SIK2: variants seen among roughly 807,000 people sequenced by gnomAD.
The protein encoded by SIK2 is salt inducible kinase 2, also known as serine/threonine-protein kinase SIK2.
A neutral mutation model predicts 103.2 loss-of-function variants in SIK2; 29 were observed. The observed-to-expected ratio is 0.28, with a 90% CI of 0.21 to 0.38. The LOEUF is 0.38. Ranked by LOEUF, SIK2 falls within the 10% of genes least tolerant of loss-of-function variation. SIK2 has a pLI of 1.00. For missense variants in SIK2, 879 were observed against 1,171.0 expected, an observed-to-expected ratio of 0.75 and a Z score of 3.64; for synonymous variants, 412 against 446.1, an observed-to-expected ratio of 0.92 and a Z score of 0.96.
chr11:111,688,082 G>T lies in SIK2; in HGVS notation c.398G>T (p.Cys133Phe), dbSNP rs747804441. Residue 133 changes from cysteine to phenylalanine, a missense_variant, in exon 4 of 15, where the codon TGT (cysteine) becomes TTT (phenylalanine). Physicochemically the swap from Cys to Phe is radical, Grantham distance 205. Around this residue, in one of 7 missense-constraint regions of SIK2, gnomAD observed 126 missense variants for 245.5 expected, o/e 0.51. Transcript: ENST00000304987. This position sits in a 1 kb window ranked among gnomAD's most constrained non-coding sequence, Gnocchi z 4.2. Reference sequence around the variant, plus strand: ...CAAATCCTGTCTGCTGTTGATTATTGTCATGGTCGGAAGATTGTGCACCGT... The same window carrying T: ...CAAATCCTGTCTGCTGTTGATTATTTTCATGGTCGGAAGATTGTGCACCGT... ...FWQILSAVDY[C>F]HGRKIVHRDL... 5 of 1,614,018 alleles carry T rather than the reference G, an allele frequency of 3.1e-6. No individual in the cohort carries two copies. The highest frequency in any genetic ancestry group is 4.2e-6 in the Non-Finnish European group (5 of 1,180,026).
chr11:111,630,088 A>G (rs1322619593), intron 3 of SIK2, among the ~76,000 whole-genome samples: 1 of 152,200 alleles, frequency 6.6e-6, no homozygotes, highest in Non-Finnish European at 1.5e-5. Flanking sequence ...CATCAGTGGG[A>G]AAATGTATCC....
chr11:111,666,254 G>C (rs1270593268), intron 3 of SIK2, among the ~76,000 whole-genome samples: 1 of 152,142 alleles, frequency 6.6e-6, no homozygotes, highest in Non-Finnish European at 1.5e-5. Flanking sequence ...AGGGGTGTTG[G>C]AGTTCCTTTC....
chr11:111,635,099 A>G (rs965907479), intron 3 of SIK2, among the ~76,000 whole-genome samples: 1 of 152,178 alleles, frequency 6.6e-6, no homozygotes, highest in Admixed American at 6.5e-5. Flanking sequence ...ACTAGTAACC[A>G]CATGAAAGAG....
In SIK2 at chr11:111,724,256, A is replaced by G. The variant is rs1028303418; in HGVS notation, c.*127A>G. On this transcript the variant is annotated 3_prime_UTR_variant, in exon 15 of 15. Coordinates refer to ENST00000304987, the MANE Select transcript of SIK2 (RefSeq NM_015191.3). ...TAACGGGGAGAAATCGAGCCACCCAACTGGAATCAGAGGGTCTGGCTGGGG... is the reference window on the plus strand; with the variant it reads ...TAACGGGGAGAAATCGAGCCACCCAGCTGGAATCAGAGGGTCTGGCTGGGG... The G allele has an allele frequency of 7.5e-6, 10 of 1,328,752 alleles. No homozygotes were observed. The Admixed American group carries it at 1.4e-4, about 18-fold the overall frequency. The allele number at this position is 1,328,752 out of a possible 1,614,324, so 82.3% of individuals were successfully genotyped here. A position where few individuals can be genotyped will look rare whatever the true frequency, so the allele number is the denominator to read the frequency against.
intron 3 of SIK2, among the ~76,000 whole-genome samples, chr11:111,628,185 CA>C (rs1941986145): frequency 6.6e-6 from 1 of 152,164 alleles, no homozygotes; most frequent in African/African-American, 2.4e-5. Context: ...TATGGACAAC[CA>C]AATTGCCGAG....
intron 3 of SIK2, among the ~76,000 whole-genome samples, chr11:111,685,330 T>A (rs1311369791): frequency 6.6e-6 from 1 of 152,236 alleles, no homozygotes; most frequent in Non-Finnish European, 1.5e-5. Flanking sequence ...CATGGACCAG[T>A]GCTGGTCCGT....
intron 3 of SIK2, among the ~76,000 whole-genome samples, chr11:111,656,849 T>C (rs989738281): frequency 1.3e-5 from 2 of 152,232 alleles, no homozygotes; most frequent in Admixed American, 1.3e-4. Context: ...CTCTAGATGT[T>C]TAGCTAACTT....
At chr11:111,703,514 A>T in intron 7 of SIK2, 91 bp downstream of exon 7, 1 of 1,121,520 alleles carries the variant, frequency 8.9e-7, no homozygotes, top group Non-Finnish European at 1.3e-6. Flanking sequence ...TAGCACATGT[A>T]TCTCCAGCGC....
At chr11:111,638,960 G>A (rs1942146254) in intron 3 of SIK2, among the ~76,000 whole-genome samples, 1 of 152,182 alleles carries the variant, frequency 6.6e-6, no homozygotes, top group Non-Finnish European at 1.5e-5. Flanking sequence ...TCCTGAAACA[G>A]TGTTGAGCTT....
At chr11:111,670,531 C>T (rs1407190734) in intron 3 of SIK2, among the ~76,000 whole-genome samples, 4 of 152,014 alleles carry the variant, frequency 2.6e-5, no homozygotes, top group Admixed American at 6.5e-5. Flanking sequence ...TTTAATGGTC[C>T]GCAAAATATT....
At chr11:111,653,122 C>T in intron 3 of SIK2, among the ~76,000 whole-genome samples, 1 of 152,110 alleles carries the variant, frequency 6.6e-6, no homozygotes, top group Non-Finnish European at 1.5e-5. Context: ...ACTACCAGGG[C>T]TGAGGGTCAA....
Position 111,719,988 on chromosome 11 carries a change from G to T in SIK2, c.1480G>T (p.Val494Leu). The T allele has an allele frequency of 2.5e-6, 4 of 1,613,758 alleles. No homozygotes were observed. Among genetic ancestry groups the T allele is most frequent in the Non-Finnish European group, 3.4e-6 (4 of 1,179,776 alleles). The change falls in exon 10 of 15, where the codon GTG becomes TTG. Residue 494 changes from valine (V) to leucine (L), a missense_variant. This residue lies in a region of SIK2 where 222 missense variants were observed against 258.0 expected (regional missense o/e 0.86). Transcript: ENST00000304987. ...GTCAGAAGTGACCAATCAACTGGTC[G>T]TGATGCCTGGGGCAGGTACGGTAGA... ...TLSEVTNQLV[V>L]MPGAGKIFSM...
intron 7 of SIK2, among the ~76,000 whole-genome samples, chr11:111,704,638 T>A (rs1943297950): frequency 6.6e-6 from 1 of 152,186 alleles, no homozygotes; most frequent in African/African-American, 2.4e-5. Flanking sequence ...CTAACTGACC[T>A]TACACCACCG....
In SIK2 at chr11:111,724,613, G is replaced by A. The variant is rs1943912463; in HGVS notation, c.*484G>A. ...AGACATCAGGAAATCAGATGCACAG[G>A]AAATAAAGGAAAGCTGTGCTTTGTC... On this transcript the variant is annotated 3_prime_UTR_variant, in exon 15 of 15. Transcript: ENST00000304987. 1 of 160,108 alleles carries A rather than the reference G, an allele frequency of 6.2e-6. No homozygotes were observed. Among genetic ancestry groups the A allele is most frequent in the Non-Finnish European group, 1.4e-5 (1 of 72,622 alleles). 9.9% of individuals were successfully genotyped at this position (160,108 alleles called of 1,614,324 possible). A position where few individuals can be genotyped will look rare whatever the true frequency, so the allele number is the denominator to read the frequency against.
intron 3 of SIK2, among the ~76,000 whole-genome samples, chr11:111,658,459 A>C (rs1031172751): frequency 3.9e-5 from 6 of 152,036 alleles, no homozygotes; most frequent in African/African-American, 1.4e-4. Context: ...ATCGAGAGAT[A>C]CGGCCGAGTG....
chr11:111,725,366 A>G lies in SIK2; in HGVS notation c.*1237A>G, dbSNP rs1331377753. 1 of 152,678 alleles carries G rather than the reference A, an allele frequency of 6.5e-6. No individual in the cohort carries two copies. The highest frequency in any genetic ancestry group is 2.4e-5 in the African/African-American group (1 of 41,474). 9.5% of individuals were successfully genotyped at this position (152,678 alleles called of 1,614,324 possible). ...GCAATATTCAAAGAAAGAACCACAG[A>G]TGTGTTAACCATTTAAGCAGATCAT... On this transcript the variant is annotated 3_prime_UTR_variant, in exon 15 of 15. Coordinates refer to ENST00000304987, the MANE Select transcript of SIK2 (RefSeq NM_015191.3).
At chr11:111,715,874 TC>T (rs1191946714) in intron 9 of SIK2, among the ~76,000 whole-genome samples, 4 of 134,792 alleles carry the variant, frequency 3.0e-5, no homozygotes, top group African/African-American at 8.3e-5. Flanking sequence ...CGATCTCAGC[TC>T]ATTGCAACCT....
intron 3 of SIK2, among the ~76,000 whole-genome samples, chr11:111,629,782 C>T (rs147451742): frequency 6.6e-6 from 1 of 152,242 alleles, no homozygotes; most frequent in African/African-American, 2.4e-5. Flanking sequence ...CATTTCACAT[C>T]AGTTAGACTG....
intron 3 of SIK2, among the ~76,000 whole-genome samples, chr11:111,660,351 C>T (rs954294027): frequency 6.1e-5 from 9 of 147,734 alleles, no homozygotes; most frequent in African/African-American, 2.2e-4. Flanking sequence ...TGTATAAGCT[C>T]TTCTTCTAAA....
Sources: allele counts gnomAD v4.1 joint callset (sites outside exome capture counted in the v4.1 genomes callset), GRCh38; gene constraint gnomAD v4.1.1; regional missense constraint gnomAD v4.1.1; non-coding constraint Gnocchi (gnomAD v3.1); transcripts MANE v1.5; gene names NCBI Gene and HGNC (gene_info 2026-07-23, HGNC 2026-07-21).